Variants in SFT2D1 observed in about 807,000 individuals in gnomAD.
The protein encoded by SFT2D1 is vesicle transport protein SFT2A.
SFT2D1 carries 24 observed loss-of-function variants against 28.1 expected under a neutral mutation model. That is an observed-to-expected ratio of 0.85 (90% CI 0.62 to 1.20). The LOEUF (loss-of-function observed/expected upper bound fraction) is 1.20. SFT2D1 is among the 50% of genes most tolerant of loss of function. SFT2D1 has a pLI of 0.00. For synonymous variants in SFT2D1, 82 were observed against 73.7 expected, an observed-to-expected ratio of 1.11 and a Z score of -0.58; for missense variants, 181 against 190.9, an observed-to-expected ratio of 0.95 and a Z score of 0.31.
At chr6:166,340,557 C>T (rs1194654486) in intron 1 of SFT2D1, among the ~76,000 whole-genome samples, 1 of 152,198 alleles carries the variant, frequency 6.6e-6, no homozygotes, top group Non-Finnish European at 1.5e-5. Context: ...CTGTATCTGC[C>T]TTGGAGGCTT....
chr6:166,334,176 T>TCATCCATC (rs755958929), intron 1 of SFT2D1, among the ~76,000 whole-genome samples: 1 of 151,196 alleles, frequency 6.6e-6, no homozygotes, highest in Admixed American at 6.6e-5. Context: ...ATACATCCAT[T>TCATCCATC]CATCCATCCA....
intron 1 of SFT2D1, among the ~76,000 whole-genome samples, chr6:166,332,311 C>A (rs954321125): frequency 3.9e-5 from 6 of 152,186 alleles, no homozygotes; most frequent in African/African-American, 1.4e-4. Context: ...CTCTGTTGCT[C>A]AGGCGCCATC....
intron 6 of SFT2D1, 126 bp from the exon 7 acceptor site, chr6:166,323,012 GA>G: frequency 2.8e-6 from 2 of 705,680 alleles, no homozygotes; most frequent in South Asian, 3.9e-5. Flanking sequence ...CTCAAAGTGT[GA>G]CCCCGACCAG....
intron 7 of SFT2D1, among the ~76,000 whole-genome samples, chr6:166,320,855 G>A (rs1458287057): frequency 1.3e-5 from 2 of 152,210 alleles, no homozygotes; most frequent in African/African-American, 4.8e-5. Context: ...GCCAGGCAAG[G>A]TGGCTCACGC....
At position 166,342,450 on chromosome 6, in the gene SFT2D1, T is replaced by C. The variant is rs2114920048; in HGVS notation, c.32A>G (p.Gln11Arg). 1 of 1,560,130 alleles carries C rather than the reference T, an allele frequency of 6.4e-7. No homozygotes were observed. The highest frequency in any genetic ancestry group is 8.7e-7 in the Non-Finnish European group (1 of 1,152,706). Residue 11 changes from glutamine (Q) to arginine (R), a missense_variant, in exon 1 of 8, where the codon CAG (glutamine) becomes CGG (arginine). Physicochemically the swap from Gln to Arg is conservative, Grantham distance 43. Coordinates refer to ENST00000361731, the MANE Select transcript of SFT2D1 (RefSeq NM_145169.3). ...AGTCAGGCCCTGCTCCTCGTCGTCCTGGCCGCTCAGGACTCGCCGCAGCTT... is the reference window on the plus strand; with the variant it reads ...AGTCAGGCCCTGCTCCTCGTCGTCCCGGCCGCTCAGGACTCGCCGCAGCTT... The part of the protein sequence containing the change: MEKLRRVLSG[Q>R]DDEEQGLTAQ...
At chr6:166,326,290 G>T in intron 4 of SFT2D1, 123 bp from the exon 5 acceptor site, 3 of 772,382 alleles carry the variant, frequency 3.9e-6, no homozygotes, top group Non-Finnish European at 4.2e-6. Context: ...TAAGAATACA[G>T]CTGAATAGTT....
chr6:166,341,841 A>AG (rs1321324153), intron 1 of SFT2D1, among the ~76,000 whole-genome samples: 4 of 151,548 alleles, frequency 2.6e-5, no homozygotes, highest in Admixed American at 6.6e-5. Context: ...AAAAAAAAAA[A>AG]AATCTCTTAC....
chr6:166,326,536 G>A (rs190525924), intron 4 of SFT2D1, among the ~76,000 whole-genome samples: 2 of 152,318 alleles, frequency 1.3e-5, no homozygotes, highest in East Asian at 3.9e-4. Flanking sequence ...CCTTGGTGAA[G>A]TCAGTGGACT....
At chr6:166,342,320 A>AC in intron 1 of SFT2D1, 99 bp downstream of exon 1, 1 of 1,087,626 alleles carries the variant, frequency 9.2e-7, no homozygotes, top group South Asian at 1.6e-5. Flanking sequence ...GGAGTCCCAG[A>AC]CCCCCGGCCT....
chr6:166,322,708 A>AG (rs1778379209), intron 7 of SFT2D1, 149 bp downstream of exon 7: 4 of 686,432 alleles, frequency 5.8e-6, no homozygotes, highest in African/African-American at 5.6e-5. Context: ...AAAAAAAAAA[A>AG]AAAGTATGTT....
rs573794987 is a variant in SFT2D1, at chr6:166,324,584, C to T, written c.363G>A (p.Lys121=). Residue 121 remains lysine, a synonymous_variant, in exon 6 of 8, where the codon AAG becomes AAA. Coordinates refer to ENST00000361731, the MANE Select transcript of SFT2D1 (RefSeq NM_145169.3). ...ATATGCAGAATAACACAGCCAGTCC[C>T]TTCTTATGCCACTAACAACAGCAAA... The part of the protein sequence containing the change: ...TLCAALWWHK[K]GLAVLFCILQ... 2.8e-5 allele frequency: 45 copies of T among 1,612,610 alleles called. No individual in the cohort carries two copies. The African/African-American group carries it at 5.5e-4, about 20-fold the overall frequency.
intron 1 of SFT2D1, among the ~76,000 whole-genome samples, chr6:166,340,537 A>T (rs1411845982): frequency 6.6e-6 from 1 of 151,936 alleles, no homozygotes; most frequent in East Asian, 1.9e-4. Flanking sequence ...ACCACACACC[A>T]CTTGGGACTC....
intron 7 of SFT2D1, 74 bp from the exon 8 acceptor site, chr6:166,320,330 A>C: frequency 7.9e-7 from 1 of 1,261,648 alleles, no homozygotes; most frequent in Non-Finnish European, 1.1e-6. Context: ...TGTTCCTGCT[A>C]AATCACCTTT....
chr6:166,329,543 A>G lies in SFT2D1; in HGVS notation c.197T>C (p.Val66Ala), dbSNP rs771180280. 6.2e-7 allele frequency: 1 copy of G among 1,611,398 alleles called. No individual in the cohort carries two copies. Among genetic ancestry groups the G allele is most frequent in the South Asian group, 1.1e-5 (1 of 90,666 alleles). Residue 66 changes from valine (V) to alanine (A), a missense_variant, in exon 3 of 8, where the codon GTG becomes GCG. Val to Ala is a moderately conservative substitution (Grantham distance 64). Coordinates refer to ENST00000361731, the MANE Select transcript of SFT2D1 (RefSeq NM_145169.3). ...AGCAAGATTGCCGAGGGTATAAAAC[A>G]CTGCAAAAAGCTTTATGCCGCCCGG... Reference protein sequence around the residue: ...WLPGGIKLFAVFYTLGNLAAL... With the variant: ...WLPGGIKLFAAFYTLGNLAAL...
chr6:166,333,909 ACCAAACC>A, intron 1 of SFT2D1, among the ~76,000 whole-genome samples: 1 of 151,856 alleles, frequency 6.6e-6, no homozygotes, highest in Non-Finnish European at 1.5e-5. Flanking sequence ...CCACCAAACC[ACCAAACC>A]ACCAAACACA....
intron 1 of SFT2D1, among the ~76,000 whole-genome samples, chr6:166,331,148 T>TA (rs992235810): frequency 2.0e-5 from 3 of 152,222 alleles, no homozygotes; most frequent in African/African-American, 7.2e-5. Context: ...CTCAGATTAC[T>TA]AATTATACTA....
chr6:166,330,262 G>A lies in SFT2D1; in HGVS notation c.64-15C>T, dbSNP rs756266337. 1.9e-6 allele frequency: 3 copies of A among 1,553,536 alleles called. No homozygotes were observed. Among genetic ancestry groups the A allele is most frequent in the South Asian group, 1.2e-5 (1 of 83,684 alleles). On this transcript the variant is annotated splice_polypyrimidine_tract_variant and intron_variant, in intron 1 of 7. Transcript: ENST00000361731. Reference sequence around the variant, plus strand: ...GCATCCAGGACCTTAATAAAAAATGGGAAAATTTAGAATATAGTCTTAATT... The same window carrying A: ...GCATCCAGGACCTTAATAAAAAATGAGAAAATTTAGAATATAGTCTTAATT...
At position 166,342,466 on chromosome 6, in the gene SFT2D1, G is replaced by T; in HGVS notation, c.16C>A (p.Arg6=). 1.3e-6 allele frequency: 2 copies of T among 1,556,286 alleles called. No individual in the cohort carries two copies. MEKLR[R]VLSGQDDEEQ... is the part of the protein sequence containing the mutation. ...TCGTCGTCCTGGCCGCTCAGGACTCGCCGCAGCTTCTCCATGGCCCTGTTA... is the reference window on the plus strand; with the variant it reads ...TCGTCGTCCTGGCCGCTCAGGACTCTCCGCAGCTTCTCCATGGCCCTGTTA... Residue 6 remains arginine (R), a synonymous_variant, in exon 1 of 8, where the codon CGA becomes AGA. Coordinates refer to ENST00000361731, the MANE Select transcript of SFT2D1 (RefSeq NM_145169.3).
chr6:166,339,363 C>T (rs1459475581), intron 1 of SFT2D1, among the ~76,000 whole-genome samples: 1 of 152,148 alleles, frequency 6.6e-6, no homozygotes, highest in Non-Finnish European at 1.5e-5. Flanking sequence ...AGCCCCCTAG[C>T]AACAATTCCC....
Sources: gnomAD v4.1 joint callset for allele counts (sites outside exome capture counted in the v4.1 genomes callset) on GRCh38, gnomAD v4.1.1 for gene constraint, MANE v1.5 for transcripts, NCBI Gene and HGNC (gene_info 2026-07-23, HGNC 2026-07-21) for gene names.